The following SEMA3D variants were observed in gnomAD, a reference collection of about 807,000 sequenced individuals.
The protein encoded by SEMA3D is semaphorin 3D, also known as semaphorin-3D.
A neutral mutation model predicts 100.1 loss-of-function variants in SEMA3D; 84 were observed. The ratio of observed to expected loss-of-function variants is 0.84; its 90% CI spans 0.70 to 1.01. The LOEUF is 1.01. Ranked by LOEUF, SEMA3D falls within the 50% of genes least tolerant of loss-of-function variation. The pLI, the probability that SEMA3D is intolerant of heterozygous loss-of-function variation, is 0.00. For missense variants in SEMA3D, 875 were observed against 934.1 expected (o/e 0.94, Z 0.82); for synonymous variants, 312 against 320.7 (o/e 0.97, Z 0.29).
chr7:85,066,657 C>T (rs919847511), intron 7 of SEMA3D, among the ~76,000 whole-genome samples: 12 of 152,042 alleles, frequency 7.9e-5, no homozygotes, highest in Non-Finnish European at 1.6e-4. Context: ...ATGGCAAATC[C>T]CTACAGAGCA....
chr7:85,188,509 TATTATTTTC>T (rs1232980067), upstream of SEMA3D, among the ~76,000 whole-genome samples: 2 of 152,252 alleles, frequency 1.3e-5, no homozygotes, highest in Non-Finnish European at 2.9e-5. Flanking sequence ...TATGTGTTTA[TATTATTTTC>T]ATTTGTATAT....
chr7:85,212,575 A>C, the SEMA3D span, among the ~76,000 whole-genome samples: 1 of 152,076 alleles, frequency 6.6e-6, no homozygotes, highest in Non-Finnish European at 1.5e-5. Context: ...ATGTGCATGC[A>C]CCTGTGTGTG....
chr7:85,007,025 C>T (rs1789817869), intron 17 of SEMA3D, 84 bp from the exon 18 acceptor site: 1 of 1,004,298 alleles, frequency 1.0e-6, no homozygotes, highest in Middle Eastern at 2.4e-4. Context: ...GAACAGATGC[C>T]ATGGGGAAAG....
chr7:85,209,286 ATATATG>A, the SEMA3D span, among the ~76,000 whole-genome samples: 14 of 151,968 alleles, frequency 9.2e-5, no homozygotes, highest in Non-Finnish European at 1.8e-4. Flanking sequence ...GTGTGTGTAT[ATATATG>A]TATATGTGTG....
intron 2 of SEMA3D, among the ~76,000 whole-genome samples, chr7:85,137,974 T>C (rs938820779): frequency 2.0e-5 from 3 of 152,152 alleles, no homozygotes; most frequent in Non-Finnish European, 4.4e-5. Flanking sequence ...CTCAACTACA[T>C]CGACTTACAG....
chr7:85,222,600 T>C, the SEMA3D span, among the ~76,000 whole-genome samples: 1 of 152,058 alleles, frequency 6.6e-6, no homozygotes, highest in Non-Finnish European at 1.5e-5. Context: ...CTTAAGAAAA[T>C]ATTAACCTCC....
intron 4 of SEMA3D, among the ~76,000 whole-genome samples, chr7:85,094,989 A>G (rs1212526718): frequency 4.6e-5 from 7 of 152,082 alleles, no homozygotes; most frequent in Middle Eastern, 6.8e-3. Flanking sequence ...TTAATACCAG[A>G]GAATTTAAAA....
the SEMA3D span, among the ~76,000 whole-genome samples, chr7:85,209,750 A>G: frequency 6.6e-6 from 1 of 152,158 alleles, no homozygotes; most frequent in East Asian, 1.9e-4. Flanking sequence ...TCAACAATAA[A>G]TAATGAAATA....
chr7:84,999,983 GTC>G (rs1432731946), intron 18 of SEMA3D, 118 bp from the exon 19 acceptor site: 2 of 806,330 alleles, frequency 2.5e-6, no homozygotes, highest in Non-Finnish European at 1.9e-6. Context: ...TTGTCTCTCT[GTC>G]TCTGTCATCA....
At chr7:85,177,099 T>C (rs1467852434) in intron 1 of SEMA3D, among the ~76,000 whole-genome samples, 2 of 152,100 alleles carry the variant, frequency 1.3e-5, no homozygotes, top group African/African-American at 2.4e-5. Flanking sequence ...ATGACAAAAT[T>C]GCCTAACAAC....
intron 1 of SEMA3D, among the ~76,000 whole-genome samples, chr7:85,169,406 G>A (rs1416512924): frequency 6.6e-6 from 1 of 151,782 alleles, no homozygotes; most frequent in Admixed American, 6.6e-5. Flanking sequence ...CTTTCACATA[G>A]TATATTTTGC....
rs907946637 is a variant in SEMA3D at position 85,121,808 on chromosome 7, G to A, written c.84C>T (p.Thr28=). The A allele has an allele frequency of 9.9e-6, 16 of 1,608,816 alleles. No individual in the cohort carries two copies. The African/African-American group carries it at 2.1e-4, about 22-fold the overall frequency. ...LFPALMMLSM[T]MLFLPVTGTL... is the part of the protein sequence containing the mutation. ...TGCCAGTGACTGGAAGAAACAACAT[G>A]GTCATGCTTAGCATCATCAAAGCAG... is the stretch of plus-strand genomic sequence containing the variant. The change falls in exon 3 of 19, where the codon ACC becomes ACT. Residue 28 remains threonine (T), a synonymous_variant. Transcript: ENST00000284136.
At chr7:85,128,283 T>C (rs867674245) in intron 2 of SEMA3D, among the ~76,000 whole-genome samples, 13 of 152,050 alleles carry the variant, frequency 8.5e-5, no homozygotes, top group African/African-American at 2.7e-4. Flanking sequence ...TTCTCCTGCC[T>C]CAGCCTCCTG....
rs763200267 is a variant in SEMA3D, at chr7:84,999,475, C to T, written c.2299G>A (p.Asp767Asn). 3 of 1,614,034 alleles carry T rather than the reference C, an allele frequency of 1.9e-6. No individual in the cohort carries two copies. Among genetic ancestry groups the T allele is most frequent in the Non-Finnish European group, 2.5e-6 (3 of 1,179,996 alleles). Reference sequence around the variant, plus strand: ...ACAGCTCTAGGGAGCTCATCCAGGTCTCTGTGATGTCTTCGATTTCGTTTC... The same window carrying T: ...ACAGCTCTAGGGAGCTCATCCAGGTTTCTGTGATGTCTTCGATTTCGTTTC... The part of the protein sequence containing the change: ...KKKRNRRHHR[D>N]LDELPRAVAT The change falls in exon 19 of 19, where the codon GAC becomes AAC. Residue 767 changes from aspartate to asparagine, a missense_variant. Transcript: ENST00000284136.
intron 1 of SEMA3D, among the ~76,000 whole-genome samples, chr7:85,182,504 A>G (rs1273244621): frequency 6.6e-6 from 1 of 152,192 alleles, no homozygotes; most frequent in Non-Finnish European, 1.5e-5. Flanking sequence ...TGAAGGTATA[A>G]AAAATTAGGG....
chr7:85,196,341 AAAACAAACAAAC>A, the SEMA3D span, among the ~76,000 whole-genome samples: 6 of 151,804 alleles, frequency 4.0e-5, no homozygotes, highest in Non-Finnish European at 5.9e-5. Context: ...TATCATTTAG[AAAACAAACAAAC>A]AAACAAACAA....
chr7:85,155,235 T>C (rs956638806), intron 1 of SEMA3D, among the ~76,000 whole-genome samples: 14 of 152,148 alleles, frequency 9.2e-5, no homozygotes, highest in Non-Finnish European at 1.6e-4. Flanking sequence ...GATATCCATA[T>C]ACGTTACCCC....
the SEMA3D span, among the ~76,000 whole-genome samples, chr7:85,201,417 T>G: frequency 6.6e-6 from 1 of 152,198 alleles, no homozygotes; most frequent in Admixed American, 6.5e-5. Context: ...TTCCTGCTAT[T>G]GCTAGGCTTC....
Position 84,998,977 on chromosome 7 carries a change from T to G in SEMA3D, c.*463A>C, listed in dbSNP as rs1001264537. The G allele has an allele frequency of 6.3e-6, 1 of 158,874 alleles. No homozygotes were observed. The highest frequency in any genetic ancestry group is 1.4e-5 in the Non-Finnish European group (1 of 71,924). The allele number at this position is 158,874 out of a possible 1,614,324, so 9.8% of individuals were successfully genotyped here. A position where few individuals can be genotyped will look rare whatever the true frequency, so the allele number is the denominator to read the frequency against. On this transcript the variant is annotated 3_prime_UTR_variant, in exon 19 of 19. Coordinates refer to ENST00000284136, the MANE Select transcript of SEMA3D (RefSeq NM_001384900.1). ...GTTGATAATGGGAGTTGTCTTAATT[T>G]GTGTCTGACCTCTTATTCCCTACCA...
Sources: allele counts gnomAD v4.1 joint callset (sites outside exome capture counted in the v4.1 genomes callset), GRCh38; gene constraint gnomAD v4.1.1; transcripts MANE v1.5; gene names NCBI Gene and HGNC (gene_info 2026-07-23, HGNC 2026-07-21).